CEP128: variants seen among roughly 807,000 people sequenced by gnomAD.
CEP128 encodes the protein centrosomal protein 128.
Under a neutral mutation model 156.7 loss-of-function variants are expected in CEP128, and 132 were observed. The observed-to-expected ratio is 0.84, with a 90% confidence interval of 0.73 to 0.97. The LOEUF (loss-of-function observed/expected upper bound fraction) is 0.97. Ranked by LOEUF, CEP128 falls within the 50% of genes least tolerant of loss-of-function variation. The pLI, the probability that CEP128 is intolerant of heterozygous loss-of-function variation, is 0.00. For synonymous variants in CEP128, 469 were observed against 448.9 expected, an observed-to-expected ratio of 1.04 and a Z score of -0.57; for missense variants, 1,252 against 1,281.9, an observed-to-expected ratio of 0.98 and a Z score of 0.36.
At chr14:80,778,076 G>A (rs774597199) in intron 15 of CEP128, 30 bp from the exon 16 acceptor site, 9 of 1,603,206 alleles carry the variant, frequency 5.6e-6, no homozygotes, top group Middle Eastern at 3.3e-4. Context: ...AAAACAGAAA[G>A]TCCACTAGCC....
chr14:80,541,759 T>C (rs146748599), intron 21 of CEP128, among the ~76,000 whole-genome samples: 3 of 152,234 alleles, frequency 2.0e-5, no homozygotes, highest in African/African-American at 7.2e-5. Context: ...TGAAGGTCTA[T>C]CTGTCTGAAA....
At chr14:80,904,682 G>A in intron 6 of CEP128, 131 bp downstream of exon 6, 3 of 588,836 alleles carry the variant, frequency 5.1e-6, no homozygotes, top group East Asian at 2.6e-5. Flanking sequence ...CCAAAAAAAG[G>A]GATCAGTATA....
intron 19 of CEP128, among the ~76,000 whole-genome samples, chr14:80,666,440 C>T (rs9944156): frequency 0.021 from 3,141 of 152,270 alleles, 117 homozygotes; most frequent in African/African-American, 0.071. Flanking sequence ...CCCAGGAAAT[C>T]AACAACACTC....
intron 6 of CEP128, among the ~76,000 whole-genome samples, chr14:80,900,712 G>A (rs993856460): frequency 5.3e-5 from 8 of 152,122 alleles, no homozygotes; most frequent in Admixed American, 1.3e-4. Context: ...AGATACCTAC[G>A]CATTAGTAAA....
chr14:80,587,321 G>C (rs1369452644), intron 19 of CEP128, among the ~76,000 whole-genome samples: 2 of 152,090 alleles, frequency 1.3e-5, no homozygotes, highest in Admixed American at 6.6e-5. Context: ...CATTCAAAAA[G>C]TATGGCTATC....
intron 10 of CEP128, among the ~76,000 whole-genome samples, 180 bp downstream of exon 10, chr14:80,840,502 A>G (rs1886298444): frequency 6.6e-6 from 1 of 152,136 alleles, no homozygotes; most frequent in Non-Finnish European, 1.5e-5. Flanking sequence ...CAACTTGCTT[A>G]TCTGTTTTCA....
At chr14:80,653,742 CA>C (rs2140862785) in intron 19 of CEP128, among the ~76,000 whole-genome samples, 1 of 152,110 alleles carries the variant, frequency 6.6e-6, no homozygotes, top group East Asian at 1.9e-4. Context: ...AATTAAAAAA[CA>C]AACAAAAAAA....
At chr14:80,759,198 T>A (rs530019090) in intron 17 of CEP128, among the ~76,000 whole-genome samples, 16 of 152,314 alleles carry the variant, frequency 1.1e-4, no homozygotes, top group African/African-American at 3.8e-4. Flanking sequence ...TAAAGTGGAA[T>A]AAGTAACAAA....
intron 19 of CEP128, among the ~76,000 whole-genome samples, chr14:80,610,697 C>T (rs1232035111): frequency 6.6e-6 from 1 of 152,096 alleles, no homozygotes; most frequent in Non-Finnish European, 1.5e-5. Flanking sequence ...GGAATTCATT[C>T]CACAGCCATA....
intron 8 of CEP128, among the ~76,000 whole-genome samples, chr14:80,893,678 G>A (rs992644954): frequency 6.6e-6 from 1 of 151,914 alleles, no homozygotes; most frequent in Admixed American, 6.6e-5. Flanking sequence ...TTGAGTTTTA[G>A]GGGCAAGGAA....
intron 19 of CEP128, among the ~76,000 whole-genome samples, chr14:80,736,431 A>G (rs1406500569): frequency 6.6e-6 from 1 of 152,168 alleles, no homozygotes; most frequent in Non-Finnish European, 1.5e-5. Flanking sequence ...AATAATCTAT[A>G]AAGTGAAGAA....
At chr14:80,809,546 T>C (rs2139933868) in intron 13 of CEP128, among the ~76,000 whole-genome samples, 1 of 152,166 alleles carries the variant, frequency 6.6e-6, no homozygotes, top group Non-Finnish European at 1.5e-5. Context: ...CAAAAAGATA[T>C]TCTCCATGGC....
chr14:80,871,578 C>T (rs909860866), intron 8 of CEP128, among the ~76,000 whole-genome samples: 4 of 152,092 alleles, frequency 2.6e-5, no homozygotes, highest in African/African-American at 7.2e-5. Flanking sequence ...AACCTAAAGA[C>T]ATATATTTAT....
chr14:80,880,411 T>C (rs975086452), intron 8 of CEP128, among the ~76,000 whole-genome samples: 38 of 151,960 alleles, frequency 2.5e-4, no homozygotes, highest in African/African-American at 7.7e-4. Context: ...TCCATTACAA[T>C]CCAGAACAAG....
At position 80,777,920 on chromosome 14, in the gene CEP128, G is replaced by C. The variant is rs1900883818; in HGVS notation, c.2338C>G (p.Leu780Val). Residue 780 changes from leucine (L) to valine (V), a missense_variant, in exon 16 of 25, where the codon CTA becomes GTA. Coordinates refer to ENST00000555265, the MANE Select transcript of CEP128 (RefSeq NM_152446.5). Reference sequence around the variant, plus strand: ...TGATCCTTCAAACATTGATATTTTAGCTTCAGTTTTTTGTTCTCATTTTCA... The same window carrying C: ...TGATCCTTCAAACATTGATATTTTACCTTCAGTTTTTTGTTCTCATTTTCA... ...QNENENKKLKLKYQCLKDQLE... is the reference protein window; with the variant it reads ...QNENENKKLKVKYQCLKDQLE... 2.5e-6 allele frequency: 4 copies of C among 1,610,058 alleles called. No individual in the cohort carries two copies. The South Asian group carries it at 3.3e-5, about 13-fold the overall frequency.
At position 80,875,355 on chromosome 14, in the gene CEP128, T is replaced by C. The variant is rs147664103; in HGVS notation, c.646-12482A>G. The stretch of plus-strand genomic sequence containing the variant: ...TAAATGTCTATATTCTCATACGTAA[T>C]AATGTCCTAAGCCTCAAATTATCTA... On this transcript the variant is annotated intron_variant, in intron 8 of 24. Coordinates refer to ENST00000555265, the MANE Select transcript of CEP128 (RefSeq NM_152446.5). 1.5e-4 allele frequency among the ~76,000 whole-genome samples: 23 copies of C among 152,372 alleles called. No individual in the cohort carries two copies. The East Asian group carries it at 3.7e-3, about 24-fold the overall frequency.
intron 6 of CEP128, among the ~76,000 whole-genome samples, chr14:80,902,281 G>A (rs190217306): frequency 1.8e-4 from 27 of 152,234 alleles, no homozygotes; most frequent in Middle Eastern, 3.4e-3. Flanking sequence ...TTATCCCAAT[G>A]ACAGAGACAT....
intron 19 of CEP128, among the ~76,000 whole-genome samples, chr14:80,740,342 G>A (rs939570437): frequency 3.3e-5 from 5 of 151,974 alleles, no homozygotes. Flanking sequence ...TTGTGTGCCT[G>A]TCAAAAATTC....
At chr14:80,645,603 C>T (rs1030110060) in intron 19 of CEP128, among the ~76,000 whole-genome samples, 10 of 152,212 alleles carry the variant, frequency 6.6e-5, no homozygotes, top group African/African-American at 2.4e-4. Flanking sequence ...AAAAGGAACT[C>T]TCATTGACTG....
Sources: allele counts gnomAD v4.1 joint callset (sites outside exome capture counted in the v4.1 genomes callset), GRCh38; gene constraint gnomAD v4.1.1; transcripts MANE v1.5; gene names NCBI Gene and HGNC (gene_info 2026-07-23, HGNC 2026-07-21).